Variants in THSD7B observed in about 807,000 individuals in gnomAD.
THSD7B encodes the protein thrombospondin type-1 domain-containing protein 7B.
Under a neutral mutation model 213.6 loss-of-function variants are expected in THSD7B, and 138 were observed. The observed-to-expected ratio is 0.65, with a 90% CI of 0.56 to 0.74. THSD7B has a LOEUF of 0.74. Ranked by LOEUF, THSD7B falls within the 30% of genes least tolerant of loss-of-function variation. The pLI is 0.00. For missense variants in THSD7B, 1,931 were observed against 1,991.5 expected (o/e 0.97, Z 0.58); for synonymous variants, 742 against 687.0 (o/e 1.08, Z -1.25).
intron 12 of THSD7B, among the ~76,000 whole-genome samples, chr2:137,350,112 C>T (rs1684974714): frequency 2.0e-5 from 3 of 151,744 alleles, no homozygotes; most frequent in South Asian, 2.1e-4. Flanking sequence ...TGGAATACAG[C>T]AGAAGATACA....
At chr2:137,279,402 A>C (rs934685664) in intron 12 of THSD7B, among the ~76,000 whole-genome samples, 1 of 151,916 alleles carries the variant, frequency 6.6e-6, no homozygotes, top group Non-Finnish European at 1.5e-5. Flanking sequence ...AAAGAGCCAG[A>C]CATGGTAATG....
intron 15 of THSD7B, among the ~76,000 whole-genome samples, 191 bp downstream of exon 15, chr2:137,451,214 G>T (rs1157760452): frequency 6.6e-6 from 1 of 152,030 alleles, no homozygotes; most frequent in Non-Finnish European, 1.5e-5. Flanking sequence ...CCTGGATAAT[G>T]CTGAGACAAA....
At chr2:137,164,921 C>T (rs1680095077) in intron 6 of THSD7B, among the ~76,000 whole-genome samples, 1 of 152,102 alleles carries the variant, frequency 6.6e-6, no homozygotes, top group South Asian at 2.1e-4. Context: ...GGAGATATAC[C>T]TAATGTAAAT....
chr2:137,604,863 G>T (rs1002109413), intron 17 of THSD7B, among the ~76,000 whole-genome samples: 1 of 151,950 alleles, frequency 6.6e-6, no homozygotes, highest in Non-Finnish European at 1.5e-5. Flanking sequence ...GGTATATTTG[G>T]CTATATTAGA....
intron 2 of THSD7B, among the ~76,000 whole-genome samples, chr2:136,887,049 G>A (rs1683730852): frequency 6.6e-6 from 1 of 152,070 alleles, no homozygotes; most frequent in Admixed American, 6.6e-5. Context: ...TTCCTTTTAG[G>A]ACTGAAACGA....
intron 17 of THSD7B, among the ~76,000 whole-genome samples, chr2:137,593,621 A>T (rs2104815852): frequency 6.6e-6 from 1 of 152,058 alleles, no homozygotes; most frequent in South Asian, 2.1e-4. Flanking sequence ...TAATGAATTT[A>T]ACTATTTTTA....
At chr2:136,854,177 T>TG (rs140588358) in intron 1 of THSD7B, among the ~76,000 whole-genome samples, 4,410 of 152,022 alleles carry the variant, frequency 0.029, 212 homozygotes, top group African/African-American at 0.1. Context: ...AGGAAACAGC[T>TG]GGGGGGGAAT....
intron 15 of THSD7B, among the ~76,000 whole-genome samples, chr2:137,498,322 G>A (rs1331897949): frequency 2.2e-5 from 3 of 137,582 alleles, no homozygotes; most frequent in East Asian, 2.3e-4. Flanking sequence ...CTCTGTAGGA[G>A]GGACAGTAAA....
chr2:136,942,447 G>A (rs1195441316), intron 2 of THSD7B, among the ~76,000 whole-genome samples: 1 of 152,066 alleles, frequency 6.6e-6, no homozygotes, highest in Non-Finnish European at 1.5e-5. Context: ...GGGCAGTAAG[G>A]CCATTTTCAT....
rs1156926536 is a variant in THSD7B at position 137,272,591 on chromosome 2, A to T, written c.2325A>T (p.Gly775=). 1.2e-6 allele frequency: 2 copies of T among 1,612,324 alleles called. No individual in the cohort carries two copies. Among genetic ancestry groups the T allele is most frequent in the Non-Finnish European group, 1.7e-6 (2 of 1,179,046 alleles). ...TCATCATCCAAGAAGCAGCCAATGG[A>T]GGCCAGGAATGCCCAGATACCTTAT... ...YRIIIQEAAN[G]GQECPDTLYE... is the part of the protein sequence containing the mutation. Residue 775 remains glycine (G), a synonymous_variant, in exon 11 of 28, where the codon GGA becomes GGT. Coordinates refer to ENST00000409968, the MANE Select transcript of THSD7B (RefSeq NM_001316349.2).
chr2:136,943,476 CT>C (rs1240031823), intron 2 of THSD7B, among the ~76,000 whole-genome samples: 1 of 152,064 alleles, frequency 6.6e-6, no homozygotes, highest in African/African-American at 2.4e-5. Context: ...CTTTTTGTAC[CT>C]CTGGTAGAAT....
chr2:137,544,445 G>T (rs1680669201), intron 15 of THSD7B, among the ~76,000 whole-genome samples: 1 of 151,762 alleles, frequency 6.6e-6, no homozygotes, highest in Non-Finnish European at 1.5e-5. Context: ...TGAGAAGGGG[G>T]AAGAATATAA....
intron 15 of THSD7B, among the ~76,000 whole-genome samples, chr2:137,561,603 A>G (rs529365575): frequency 2.6e-4 from 40 of 152,234 alleles, no homozygotes; most frequent in African/African-American, 9.6e-4. Flanking sequence ...CGTTGTCGTG[A>G]TGCAGTCAGA....
At chr2:137,663,843 G>GA in intron 26 of THSD7B, among the ~76,000 whole-genome samples, 1 of 152,102 alleles carries the variant, frequency 6.6e-6, no homozygotes, top group East Asian at 1.9e-4. Flanking sequence ...AATATTCTTT[G>GA]AAAAATCTTT....
intron 2 of THSD7B, among the ~76,000 whole-genome samples, chr2:136,974,490 G>T (rs1685449506): frequency 6.6e-6 from 1 of 152,090 alleles, no homozygotes. Context: ...GAGGATAATG[G>T]CTTCCAGCTC....
chr2:136,893,916 G>C (rs1683907804), intron 2 of THSD7B, among the ~76,000 whole-genome samples: 1 of 152,078 alleles, frequency 6.6e-6, no homozygotes, highest in Admixed American at 6.6e-5. Context: ...AGCAAAAGTA[G>C]AAATACAAAT....
At chr2:137,467,736 CT>C (rs1430534088) in intron 15 of THSD7B, among the ~76,000 whole-genome samples, 1 of 152,104 alleles carries the variant, frequency 6.6e-6, no homozygotes, top group Non-Finnish European at 1.5e-5. Context: ...TGGCCTAATA[CT>C]TTCTCTATGA....
At position 137,623,933 on chromosome 2, in the gene THSD7B, C is replaced by T. The variant is rs181194688; in HGVS notation, c.3799+3207C>T. Among the ~76,000 whole-genome samples, 135 of 152,326 alleles carry T rather than the reference C, an allele frequency of 8.9e-4. 2 individuals carry two copies. In the East Asian group the frequency reaches 0.021, roughly 24 times the overall value. ...GTAATTTATAGATTCAATGCCATCC[C>T]TATCAAGCTACCAACGACTTTCTTC... On this transcript the variant is annotated intron_variant, in intron 20 of 27. Transcript: ENST00000409968.
intron 6 of THSD7B, among the ~76,000 whole-genome samples, chr2:137,165,522 C>G (rs1558944009): frequency 6.6e-6 from 1 of 152,012 alleles, no homozygotes. Flanking sequence ...TCCCATGATT[C>G]TACTGTGAGT....
Sources: allele counts gnomAD v4.1 joint callset (sites outside exome capture counted in the v4.1 genomes callset), GRCh38; gene constraint gnomAD v4.1.1; transcripts MANE v1.5; gene names NCBI Gene and HGNC (gene_info 2026-07-23, HGNC 2026-07-21).